PCDH15: variants seen among roughly 807,000 people sequenced by gnomAD.
PCDH15 encodes the protein protocadherin-15.
A neutral mutation model predicts 178.5 loss-of-function variants in PCDH15; 129 were observed. The ratio of observed to expected loss-of-function variants is 0.72; its 90% confidence interval spans 0.63 to 0.84. The LOEUF (loss-of-function observed/expected upper bound fraction) is 0.84. Ranked by LOEUF, PCDH15 falls within the 40% of genes least tolerant of loss-of-function variation. The pLI, the probability that PCDH15 is intolerant of heterozygous loss-of-function variation, is 0.00. For synonymous variants in PCDH15, 800 were observed against 732.0 expected (o/e 1.09, Z -1.50); for missense variants, 2,230 against 2,099.9 (o/e 1.06, Z -1.21).
intron 1 of PCDH15, among the ~76,000 whole-genome samples, chr10:55,241,586 A>G (rs1422553003): frequency 6.6e-6 from 1 of 151,780 alleles, no homozygotes; most frequent in Non-Finnish European, 1.5e-5. Flanking sequence ...TGCCTGGCTA[A>G]TTTTTTTGTT....
intron 2 of PCDH15, among the ~76,000 whole-genome samples, chr10:54,572,009 T>A (rs1322555642): frequency 6.6e-6 from 1 of 152,076 alleles, no homozygotes; most frequent in East Asian, 1.9e-4. Flanking sequence ...TATTTGGGGA[T>A]TTGGATAATT....
intron 2 of PCDH15, among the ~76,000 whole-genome samples, chr10:54,616,929 C>T (rs1033955750): frequency 1.3e-5 from 2 of 151,982 alleles, no homozygotes; most frequent in Admixed American, 6.6e-5. Context: ...AGCCCAAATA[C>T]TTGTTTAAAT....
intron 2 of PCDH15, among the ~76,000 whole-genome samples, chr10:55,095,451 G>A (rs1842425934): frequency 6.6e-6 from 1 of 151,664 alleles, no homozygotes; most frequent in African/African-American, 2.4e-5. Context: ...ATTTGTATTT[G>A]GGTTGTTACT....
In PCDH15 at chr10:53,840,422, T is replaced by C. The variant is rs577678112; in HGVS notation, c.3881A>G (p.His1294Arg). 2 of 1,614,120 alleles carry C rather than the reference T, an allele frequency of 1.2e-6. No individual in the cohort carries two copies. Among genetic ancestry groups the C allele is most frequent in the African/African-American group, 1.3e-5 (1 of 75,054 alleles). Residue 1294 changes from histidine (H) to arginine (R), a missense_variant, in exon 29 of 38, where the codon CAT (histidine) becomes CGT (arginine). Physicochemically the swap from His to Arg is conservative, Grantham distance 29. Coordinates refer to ENST00000644397, the MANE Select transcript of PCDH15 (RefSeq NM_001384140.1). ...VVVESIGARR[H>R]GDAFSLEDYT... is the part of the protein sequence containing the mutation. ...ATCTTCTAGGGAAAAGGCATCTCCATGCCGGCGAGCTCCAATGGACTCCAC... is the reference window on the plus strand; with the variant it reads ...ATCTTCTAGGGAAAAGGCATCTCCACGCCGGCGAGCTCCAATGGACTCCAC...
At chr10:54,326,518 T>G (rs904235018) in intron 7 of PCDH15, among the ~76,000 whole-genome samples, 1 of 152,162 alleles carries the variant, frequency 6.6e-6, no homozygotes, top group African/African-American at 2.4e-5. Context: ...ATTTCAAGCA[T>G]TAGTCTAAGT....
intron 6 of PCDH15, among the ~76,000 whole-genome samples, chr10:54,330,916 A>AT (rs1939394798): frequency 6.6e-6 from 1 of 151,796 alleles, no homozygotes; most frequent in East Asian, 1.9e-4. Flanking sequence ...TGTGCTTGTG[A>AT]TTTTTTTGTG....
chr10:54,446,817 C>G (rs2076168304), intron 3 of PCDH15, among the ~76,000 whole-genome samples: 1 of 151,416 alleles, frequency 6.6e-6, no homozygotes. Flanking sequence ...TCTCACAATA[C>G]AATTGCAAAC....
intron 26 of PCDH15, among the ~76,000 whole-genome samples, chr10:53,897,863 T>C (rs1032566369): frequency 3.3e-5 from 5 of 152,166 alleles, no homozygotes; most frequent in Non-Finnish European, 7.3e-5. Context: ...TTAGAATTTA[T>C]TTCCCTTTAG....
intron 2 of PCDH15, among the ~76,000 whole-genome samples, chr10:55,481,883 A>C (rs1840188984): frequency 2.0e-5 from 3 of 151,902 alleles, no homozygotes; most frequent in Non-Finnish European, 4.4e-5. Flanking sequence ...GGTCCTGAAT[A>C]TCTTTGTTAA....
chr10:54,738,325 AT>A (rs901898630), intron 1 of PCDH15, among the ~76,000 whole-genome samples: 6 of 152,142 alleles, frequency 3.9e-5, no homozygotes, highest in African/African-American at 1.4e-4. Flanking sequence ...AGATATGGAA[AT>A]AAATAGTTTC....
intron 2 of PCDH15, among the ~76,000 whole-genome samples, chr10:55,091,427 A>C (rs1842313917): frequency 6.6e-6 from 1 of 151,524 alleles, no homozygotes; most frequent in Non-Finnish European, 1.5e-5. Context: ...CTTACAATGC[A>C]CTTTTAAAAA....
chr10:54,146,303 A>AT (rs2043896434), intron 14 of PCDH15, among the ~76,000 whole-genome samples: 1 of 151,948 alleles, frequency 6.6e-6, no homozygotes, highest in African/African-American at 2.4e-5. Context: ...ATAGCCTTGC[A>AT]TTTTATGAAA....
intron 2 of PCDH15, among the ~76,000 whole-genome samples, chr10:55,518,988 G>C (rs1230061590): frequency 6.7e-6 from 1 of 149,838 alleles, no homozygotes; most frequent in Non-Finnish European, 1.5e-5. Flanking sequence ...CAGCTACTCA[G>C]GAGCCTGAGG....
intron 3 of PCDH15, among the ~76,000 whole-genome samples, chr10:54,511,391 C>T (rs1456921755): frequency 6.6e-6 from 1 of 152,110 alleles, no homozygotes; most frequent in Non-Finnish European, 1.5e-5. Flanking sequence ...CTAACTTTTC[C>T]TTCCCAGCTG....
intron 2 of PCDH15, among the ~76,000 whole-genome samples, chr10:54,559,876 A>C (rs1419582464): frequency 1.9e-5 from 1 of 51,600 alleles, no homozygotes. Context: ...AAAAAAAAAG[A>C]AAAGAAAAGG....
intron 2 of PCDH15, among the ~76,000 whole-genome samples, chr10:54,610,325 T>C (rs910636186): frequency 6.6e-6 from 1 of 151,964 alleles, no homozygotes; most frequent in Non-Finnish European, 1.5e-5. Flanking sequence ...TATTTTCTTA[T>C]ATTGTTTAGT....
intron 2 of PCDH15, among the ~76,000 whole-genome samples, chr10:54,905,421 C>T (rs1182339411): frequency 6.6e-6 from 1 of 152,080 alleles, no homozygotes; most frequent in East Asian, 1.9e-4. Context: ...ATAAATTCAG[C>T]TAATGGAGTT....
chr10:54,396,196 C>T (rs1381223704), intron 3 of PCDH15, among the ~76,000 whole-genome samples: 2 of 152,158 alleles, frequency 1.3e-5, no homozygotes, highest in Non-Finnish European at 2.9e-5. Flanking sequence ...CATTAACAAG[C>T]TTTACTTAGC....
chr10:55,505,851 G>C (rs1324593098), intron 2 of PCDH15, among the ~76,000 whole-genome samples: 1 of 151,460 alleles, frequency 6.6e-6, no homozygotes, highest in Non-Finnish European at 1.5e-5. Context: ...CCTGTAGGAA[G>C]ACTTCCTTGA....
Sources: allele counts gnomAD v4.1 joint callset (sites outside exome capture counted in the v4.1 genomes callset), GRCh38; gene constraint gnomAD v4.1.1; transcripts MANE v1.5; gene names NCBI Gene and HGNC (gene_info 2026-07-23, HGNC 2026-07-21).